Variants in CPQ observed in about 807,000 individuals in gnomAD.
The protein encoded by CPQ is carboxypeptidase Q.
CPQ carries 37 observed loss-of-function variants against 45.7 expected under a neutral mutation model. The ratio of observed to expected loss-of-function variants is 0.81; its 90% CI spans 0.62 to 1.07. The LOEUF is 1.07. CPQ is among the 50% of genes least tolerant of loss of function. The probability of loss-of-function intolerance (pLI) is 0.00; values close to 1 mark genes in which losing one functional copy is unlikely to be tolerated. For synonymous variants in CPQ, 186 were observed against 205.8 expected, an observed-to-expected ratio of 0.90 and a Z score of 0.82; for missense variants, 537 against 572.9, an observed-to-expected ratio of 0.94 and a Z score of 0.64.
intron 2 of CPQ, among the ~76,000 whole-genome samples, chr8:96,820,812 C>G (rs930508963): frequency 1.3e-5 from 2 of 151,964 alleles, no homozygotes; most frequent in African/African-American, 2.4e-5. Context: ...GATTTCCTTT[C>G]TTTTTGATAT....
chr8:96,985,316 T>C (rs528556828), intron 5 of CPQ, among the ~76,000 whole-genome samples: 223 of 152,124 alleles, frequency 1.5e-3, no homozygotes, highest in African/African-American at 5.2e-3. Context: ...TTGCCTCAAA[T>C]ATTGCCTTCC....
At chr8:96,894,592 A>G (rs2130891924) in intron 4 of CPQ, among the ~76,000 whole-genome samples, 1 of 152,368 alleles carries the variant, frequency 6.6e-6, no homozygotes, top group African/African-American at 2.4e-5. Flanking sequence ...TAATATAACA[A>G]CAAATGTTCT....
chr8:96,849,922 C>T (rs1385655754), intron 3 of CPQ, among the ~76,000 whole-genome samples: 1 of 152,116 alleles, frequency 6.6e-6, no homozygotes, highest in East Asian at 1.9e-4. Flanking sequence ...AAATGAGGAG[C>T]TTGGGGCTGA....
intron 7 of CPQ, among the ~76,000 whole-genome samples, chr8:97,111,809 A>G (rs1216700317): frequency 6.6e-6 from 1 of 152,222 alleles, no homozygotes; most frequent in Non-Finnish European, 1.5e-5. Flanking sequence ...ACAAAACAAG[A>G]GGAGTCTAAA....
intron 5 of CPQ, 88 bp downstream of exon 5, chr8:96,966,134 C>T: frequency 1.1e-6 from 1 of 893,980 alleles, no homozygotes. Context: ...AGATTAGTTA[C>T]TATGGTATGT....
chr8:97,000,640 T>C (rs990761331), intron 5 of CPQ, among the ~76,000 whole-genome samples: 1 of 152,138 alleles, frequency 6.6e-6, no homozygotes. Context: ...TTGGTTACTG[T>C]AGCCTGTAGC....
intron 6 of CPQ, among the ~76,000 whole-genome samples, chr8:97,065,239 C>T (rs1319014605): frequency 6.6e-6 from 1 of 152,126 alleles, no homozygotes; most frequent in Non-Finnish European, 1.5e-5. Context: ...GGCTGGGTAG[C>T]AATTTAACTG....
chr8:96,929,775 A>G (rs372060588), intron 4 of CPQ, among the ~76,000 whole-genome samples: 2 of 152,226 alleles, frequency 1.3e-5, no homozygotes, highest in African/African-American at 4.8e-5. Flanking sequence ...TTACCCATGT[A>G]TGCTTCCAAC....
At chr8:96,653,313 ATAAT>A (rs1291317006) in intron 1 of CPQ, among the ~76,000 whole-genome samples, 1 of 152,030 alleles carries the variant, frequency 6.6e-6, no homozygotes, top group African/African-American at 2.4e-5. Flanking sequence ...CATTTCTTTG[ATAAT>A]TAATGATGTT....
At chr8:97,042,094 A>G (rs199655371) in intron 6 of CPQ, among the ~76,000 whole-genome samples, 22 of 152,308 alleles carry the variant, frequency 1.4e-4, no homozygotes, top group Admixed American at 3.3e-4. Flanking sequence ...GGTAGAATTC[A>G]GCTGTGAATC....
At chr8:96,990,846 TATAA>T (rs1809081300) in intron 5 of CPQ, among the ~76,000 whole-genome samples, 1 of 152,208 alleles carries the variant, frequency 6.6e-6, no homozygotes, top group Non-Finnish European at 1.5e-5. Context: ...TCAAATATCC[TATAA>T]GGTCCTAATA....
At chr8:96,817,054 C>T (rs760221031) in intron 2 of CPQ, among the ~76,000 whole-genome samples, 5 of 152,134 alleles carry the variant, frequency 3.3e-5, no homozygotes, top group African/African-American at 1.2e-4. Flanking sequence ...GAAGGTCAGC[C>T]TGTCCATTTG....
intron 3 of CPQ, among the ~76,000 whole-genome samples, chr8:96,852,823 T>A (rs1280875467): frequency 6.6e-6 from 1 of 152,222 alleles, no homozygotes; most frequent in East Asian, 1.9e-4. Context: ...TCCTCTATTC[T>A]TATTTGTTCA....
chr8:96,711,903 C>T (rs1366130740), intron 1 of CPQ, among the ~76,000 whole-genome samples: 1 of 152,138 alleles, frequency 6.6e-6, no homozygotes, highest in Non-Finnish European at 1.5e-5. Context: ...ACCCAAAAGT[C>T]CAAGTCCAAA....
At chr8:96,806,238 A>G (rs954376778) in intron 2 of CPQ, among the ~76,000 whole-genome samples, 7 of 152,116 alleles carry the variant, frequency 4.6e-5, no homozygotes, top group Admixed American at 2.0e-4. Flanking sequence ...CCCTTCCTCA[A>G]CTTATTTATT....
chr8:96,862,781 A>G (rs1811943850), intron 3 of CPQ, among the ~76,000 whole-genome samples: 1 of 152,056 alleles, frequency 6.6e-6, no homozygotes, highest in Admixed American at 6.5e-5. Context: ...GCTTGTGGCT[A>G]AGTGTGCCTA....
chr8:96,991,591 TAATAATAATAATG>T (rs1162154017), intron 5 of CPQ, among the ~76,000 whole-genome samples: 1 of 129,076 alleles, frequency 7.7e-6, no homozygotes, highest in Non-Finnish European at 1.7e-5. Flanking sequence ...ATAATAATAA[TAATAATAATAATG>T]CTTTCCCTAC....
chr8:96,871,152 T>A (rs1389482707), intron 3 of CPQ, among the ~76,000 whole-genome samples: 1 of 152,042 alleles, frequency 6.6e-6, no homozygotes, highest in Non-Finnish European at 1.5e-5. Flanking sequence ...TGTATCATTG[T>A]GTGAGACAAA....
At chr8:96,853,563 AT>A (rs71569187) in intron 3 of CPQ, among the ~76,000 whole-genome samples, 57,399 of 145,806 alleles carry the variant, frequency 0.39, 11,331 homozygotes, top group Non-Finnish European at 0.46. Context: ...ACTGGGCATG[AT>A]TTTTTTTTTT....
Sources: allele counts gnomAD v4.1 joint callset (sites outside exome capture counted in the v4.1 genomes callset), GRCh38; gene constraint gnomAD v4.1.1; transcripts MANE v1.5; gene names NCBI Gene and HGNC (gene_info 2026-07-23, HGNC 2026-07-21).